Variants in EYS observed in about 807,000 individuals in gnomAD.
The protein encoded by EYS is EGF-like photoreceptor maintenance factor.
In EYS, 250 loss-of-function variants were observed where a neutral mutation model predicts 282.1. The observed-to-expected ratio is 0.89, with a 90% CI of 0.80 to 0.98. The LOEUF is 0.98. EYS is among the 50% of genes least tolerant of loss of function. The pLI, the probability that EYS is intolerant of heterozygous loss-of-function variation, is 0.00. For missense variants in EYS, 4,016 were observed against 3,709.0 expected, an observed-to-expected ratio of 1.08 and a Z score of -2.15; for synonymous variants, 1,355 against 1,282.9, an observed-to-expected ratio of 1.06 and a Z score of -1.20.
At chr6:65,635,840 C>T (rs6899544) in intron 2 of EYS, among the ~76,000 whole-genome samples, 2 of 152,064 alleles carry the variant, frequency 1.3e-5, no homozygotes, top group Non-Finnish European at 2.9e-5. Flanking sequence ...GAAGCAACTC[C>T]GCTTAAGAGG....
chr6:64,107,261 G>A (rs200961201), intron 31 of EYS, among the ~76,000 whole-genome samples: 72 of 71,034 alleles, frequency 1.0e-3, no homozygotes, highest in East Asian at 2.3e-3. Flanking sequence ...ATATATATAT[G>A]TGTGTGTGTG....
At chr6:64,390,905 TAACC>T (rs1259715007) in intron 28 of EYS, among the ~76,000 whole-genome samples, 1 of 147,092 alleles carries the variant, frequency 6.8e-6, no homozygotes, top group Non-Finnish European at 1.5e-5. Flanking sequence ...ATAACTAGAA[TAACC>T]AATACAGAGA....
At chr6:65,425,373 A>G (rs1767621174) in intron 5 of EYS, among the ~76,000 whole-genome samples, 1 of 152,040 alleles carries the variant, frequency 6.6e-6, no homozygotes, top group Non-Finnish European at 1.5e-5. Context: ...TTCCATATAC[A>G]CTTGTTTTCT....
At chr6:64,205,757 G>A (rs1765590766) in intron 31 of EYS, among the ~76,000 whole-genome samples, 1 of 150,478 alleles carries the variant, frequency 6.6e-6, no homozygotes, top group East Asian at 2.0e-4. Flanking sequence ...AAAATGCCAT[G>A]TTGTCATCAA....
chr6:65,014,579 A>G (rs1417055737), intron 13 of EYS, among the ~76,000 whole-genome samples: 1 of 152,164 alleles, frequency 6.6e-6, no homozygotes, highest in Non-Finnish European at 1.5e-5. Flanking sequence ...TAGAAGGATG[A>G]GGGCCAGAAG....
intron 1 of EYS, among the ~76,000 whole-genome samples, chr6:65,696,943 T>C (rs1440766115): frequency 1.3e-5 from 2 of 152,034 alleles, no homozygotes; most frequent in Non-Finnish European, 2.9e-5. Context: ...ACTTTTAAAA[T>C]ACACCATATT....
chr6:64,510,712 G>T (rs1238896645), intron 26 of EYS, among the ~76,000 whole-genome samples: 1 of 152,062 alleles, frequency 6.6e-6, no homozygotes, highest in East Asian at 1.9e-4. Context: ...TCAACTACTT[G>T]GTAAAATCAG....
At chr6:64,907,998 ACT>A (rs1182539707) in intron 16 of EYS, among the ~76,000 whole-genome samples, 3 of 152,034 alleles carry the variant, frequency 2.0e-5, no homozygotes. Flanking sequence ...TATGCTGGAG[ACT>A]CTCTTATAAA....
chr6:65,557,175 C>T (rs1303333526), intron 2 of EYS, among the ~76,000 whole-genome samples: 1 of 152,166 alleles, frequency 6.6e-6, no homozygotes, highest in Non-Finnish European at 1.5e-5. Context: ...CCAGTAAAGC[C>T]TCTGCTTGAG....
intron 11 of EYS, among the ~76,000 whole-genome samples, chr6:65,318,149 G>T (rs1582136140): frequency 1.4e-5 from 2 of 146,928 alleles, no homozygotes; most frequent in African/African-American, 2.5e-5. Flanking sequence ...TTACATGCGT[G>T]AGCCACCGCG....
chr6:63,778,428 T>C (rs1429635625), intron 39 of EYS, among the ~76,000 whole-genome samples: 1 of 152,136 alleles, frequency 6.6e-6, no homozygotes, highest in African/African-American at 2.4e-5. Flanking sequence ...TTTTCTATGC[T>C]TAGTCATATT....
At chr6:63,888,462 G>C (rs1355343884) in intron 35 of EYS, among the ~76,000 whole-genome samples, 2 of 152,234 alleles carry the variant, frequency 1.3e-5, no homozygotes, top group East Asian at 3.9e-4. Context: ...AATCTTTGCT[G>C]TTCTGCAGCC....
At chr6:64,738,007 C>T (rs1772238133) in intron 22 of EYS, among the ~76,000 whole-genome samples, 1 of 152,156 alleles carries the variant, frequency 6.6e-6, no homozygotes, top group South Asian at 2.1e-4. Flanking sequence ...CTTTCTTTAG[C>T]TTATCACTAT....
intron 29 of EYS, among the ~76,000 whole-genome samples, chr6:64,365,837 A>G (rs1294944612): frequency 1.3e-5 from 2 of 152,022 alleles, no homozygotes; most frequent in Non-Finnish European, 2.9e-5. Context: ...ATACTGTAAT[A>G]TATTTGGACT....
chr6:64,690,208 C>T (rs1355730930), intron 22 of EYS, among the ~76,000 whole-genome samples: 2 of 151,894 alleles, frequency 1.3e-5, no homozygotes, highest in South Asian at 2.1e-4. Flanking sequence ...ATTTATGCAG[C>T]CAACAAACAC....
chr6:64,884,692 T>C (rs2150062073), intron 19 of EYS, among the ~76,000 whole-genome samples: 1 of 151,758 alleles, frequency 6.6e-6, no homozygotes, highest in African/African-American at 2.4e-5. Context: ...AAAGAGTATG[T>C]ACAGAAAAAC....
At chr6:65,273,795 C>G (rs1582088687) in intron 12 of EYS, among the ~76,000 whole-genome samples, 1 of 152,246 alleles carries the variant, frequency 6.6e-6, no homozygotes, top group East Asian at 1.9e-4. Context: ...ATAAAAACCC[C>G]ACTCTGTCTT....
At chr6:64,555,674 T>C (rs905509979) in intron 26 of EYS, among the ~76,000 whole-genome samples, 2 of 151,374 alleles carry the variant, frequency 1.3e-5, no homozygotes, top group Non-Finnish European at 3.0e-5. Flanking sequence ...ATGGCAAATA[T>C]GCATGTGAAA....
intron 36 of EYS, among the ~76,000 whole-genome samples, chr6:63,837,161 A>C (rs1476049205): frequency 1.3e-5 from 2 of 152,100 alleles, no homozygotes; most frequent in African/African-American, 2.4e-5. Flanking sequence ...GAAAAAGAAC[A>C]CTATATTTTG....
Sources: gnomAD v4.1 joint callset for allele counts (sites outside exome capture counted in the v4.1 genomes callset) on GRCh38, gnomAD v4.1.1 for gene constraint, MANE v1.5 for transcripts, NCBI Gene and HGNC (gene_info 2026-07-23, HGNC 2026-07-21) for gene names.